The following NME7 variants were observed in gnomAD, a reference collection of about 807,000 sequenced individuals.
NME7 encodes nucleoside diphosphate kinase 7.
Under a neutral mutation model 49.1 loss-of-function variants are expected in NME7, and 41 were observed. The ratio of observed to expected loss-of-function variants is 0.83; its 90% CI spans 0.65 to 1.08. The LOEUF (loss-of-function observed/expected upper bound fraction) is 1.08, where lower values mean the gene tolerates loss of function less well. Among genes scored for constraint, NME7 ranks in the 50% least tolerant of loss-of-function variants. The pLI is 0.00. For missense variants in NME7, 423 were observed against 463.4 expected (o/e 0.91, Z 0.80); for synonymous variants, 139 against 150.6 (o/e 0.92, Z 0.56).
chr1:169,197,128 G>C (rs1253513732), intron 10 of NME7, among the ~76,000 whole-genome samples: 2 of 152,002 alleles, frequency 1.3e-5, no homozygotes, highest in African/African-American at 4.8e-5. Flanking sequence ...AAGTAAATAA[G>C]AGTACCTATA....
chr1:169,319,028 ATTTAATTTTAAT>A (rs140524650), intron 3 of NME7, among the ~76,000 whole-genome samples: 2,242 of 149,730 alleles, frequency 0.015, 60 homozygotes, highest in African/African-American at 0.051. Flanking sequence ...ATTAAATTTA[ATTTAATTTTAAT>A]TTTAATTTTA....
chr1:169,327,511 T>G (rs1482954033), intron 1 of NME7, among the ~76,000 whole-genome samples: 1 of 152,216 alleles, frequency 6.6e-6, no homozygotes, highest in East Asian at 1.9e-4. Context: ...CAATGTGGTA[T>G]TATTATACCC....
intron 1 of NME7, among the ~76,000 whole-genome samples, chr1:169,328,679 A>T (rs1405392245): frequency 6.6e-6 from 1 of 152,234 alleles, no homozygotes; most frequent in Non-Finnish European, 1.5e-5. Context: ...TAAAGGATAT[A>T]TCATATTAAT....
chr1:169,196,438 C>T (rs1052902136), intron 10 of NME7, among the ~76,000 whole-genome samples: 1 of 152,088 alleles, frequency 6.6e-6, no homozygotes, highest in Non-Finnish European at 1.5e-5. Flanking sequence ...TCTATTAGAA[C>T]AAAAACTTTG....
intron 7 of NME7, among the ~76,000 whole-genome samples, chr1:169,279,286 C>G (rs928304110): frequency 1.3e-5 from 2 of 152,224 alleles, no homozygotes; most frequent in African/African-American, 4.8e-5. Flanking sequence ...GCTCTGCCCC[C>G]AGAGGTGGAG....
intron 10 of NME7, among the ~76,000 whole-genome samples, chr1:169,195,252 A>G (rs979396762): frequency 5.9e-5 from 9 of 152,116 alleles, no homozygotes; most frequent in Non-Finnish European, 2.9e-5. Context: ...AGAGACAACA[A>G]TCTTGCTCTG....
At chr1:169,227,800 G>A (rs921763181) in intron 10 of NME7, among the ~76,000 whole-genome samples, 5 of 151,922 alleles carry the variant, frequency 3.3e-5, no homozygotes, top group Non-Finnish European at 7.4e-5. Context: ...TGAACTTTTC[G>A]TGGACACATT....
At chr1:169,188,275 G>T (rs1571276077) in intron 10 of NME7, among the ~76,000 whole-genome samples, 1 of 152,048 alleles carries the variant, frequency 6.6e-6, no homozygotes, top group Admixed American at 6.6e-5. Context: ...TTTTTGTTTT[G>T]CTTTGTTTGA....
intron 10 of NME7, among the ~76,000 whole-genome samples, chr1:169,221,164 G>A (rs900386239): frequency 3.3e-5 from 5 of 152,000 alleles, no homozygotes; most frequent in African/African-American, 7.2e-5. Flanking sequence ...AATAACACCC[G>A]ACTATTTCTC....
intron 10 of NME7, among the ~76,000 whole-genome samples, chr1:169,171,896 T>C (rs1239541301): frequency 6.6e-6 from 1 of 151,968 alleles, no homozygotes; most frequent in African/African-American, 2.4e-5. Flanking sequence ...TCTGGTTGCC[T>C]TCCTTTCAGA....
At chr1:169,193,387 C>T (rs1390931675) in intron 10 of NME7, among the ~76,000 whole-genome samples, 1 of 152,138 alleles carries the variant, frequency 6.6e-6, no homozygotes, top group Non-Finnish European at 1.5e-5. Context: ...AACACCATGG[C>T]TCAGTACTAT....
In NME7 at chr1:169,302,077, T is replaced by A. The variant is rs552761051; in HGVS notation, c.440+1068A>T. 62 of 151,568 alleles carry A rather than the reference T, an allele frequency of 4.1e-4. 1 individual carries two copies. Among genetic ancestry groups the A allele is most frequent in the East Asian group, 2.7e-3 (14 of 5,130 alleles). 9.4% of individuals were successfully genotyped at this position (151,568 alleles called of 1,614,324 possible). On this transcript the variant is annotated intron_variant, in intron 5 of 11. Coordinates refer to ENST00000367811, the MANE Select transcript of NME7 (RefSeq NM_013330.5). Reference sequence around the variant, plus strand: ...ATCTAAAATAGAAGTTGATTTTTTTTTAAAAAAAAAGTCAAAAAACGACAG... The same window carrying A: ...ATCTAAAATAGAAGTTGATTTTTTTATAAAAAAAAAGTCAAAAAACGACAG...
At position 169,269,132 on chromosome 1, in the gene NME7, G is replaced by C. The variant is rs932310237; in HGVS notation, c.754+18171C>G. ...TAGGATTCTTTTGTAGGGACTAACA[G>C]AACTCTTGAGATTCCTTCTAAATCA... On this transcript the variant is annotated intron_variant, in intron 7 of 11. Coordinates refer to ENST00000367811, the MANE Select transcript of NME7 (RefSeq NM_013330.5). 8.3e-5 allele frequency among the ~76,000 whole-genome samples: 11 copies of C among 133,160 alleles called. 2 individuals carry two copies. Among genetic ancestry groups the C allele is most frequent in the African/African-American group, 2.8e-4 (11 of 39,388 alleles). 87.4% of individuals were successfully genotyped at this position (133,160 alleles called of 152,430 possible).
intron 7 of NME7, among the ~76,000 whole-genome samples, chr1:169,283,164 TA>T (rs778985400): frequency 3.3e-5 from 5 of 152,050 alleles, no homozygotes; most frequent in Non-Finnish European, 7.4e-5. Flanking sequence ...GGATAGTCAG[TA>T]CTTCTTGTGC....
intron 7 of NME7, among the ~76,000 whole-genome samples, chr1:169,273,992 T>G (rs1482077424): frequency 1.5e-5 from 2 of 132,442 alleles, no homozygotes; most frequent in Non-Finnish European, 3.5e-5. Context: ...GTAATGGGAT[T>G]GCTGGGTCAA....
intron 10 of NME7, among the ~76,000 whole-genome samples, chr1:169,226,805 C>CA (rs2101813715): frequency 6.6e-6 from 1 of 152,058 alleles, no homozygotes; most frequent in African/African-American, 2.4e-5. Flanking sequence ...TAAAGATAAC[C>CA]ACTGTTAACA....
rs1182272175 is a variant in NME7, at chr1:169,275,464, G to A, written c.754+11839C>T. On this transcript the variant is annotated intron_variant, in intron 7 of 11. Transcript: ENST00000367811. ...ACTGCACTCCAGCCTGGGCGACAGA[G>A]CGAAACTCCGTCTCAAAAAAAAAAA... is the stretch of plus-strand genomic sequence containing the variant. 2.3e-5 allele frequency among the ~76,000 whole-genome samples: 2 copies of A among 87,964 alleles called. 1 individual carries two copies. Among genetic ancestry groups the A allele is most frequent in the East Asian group, 5.5e-4 (2 of 3,658 alleles). 57.7% of individuals were successfully genotyped at this position (87,964 alleles called of 152,430 possible).
intron 10 of NME7, among the ~76,000 whole-genome samples, chr1:169,224,673 T>G (rs760736061): frequency 8.5e-5 from 13 of 152,134 alleles, no homozygotes; most frequent in Non-Finnish European, 1.0e-4. Context: ...ATATTCTATT[T>G]CGAAAAATCT....
chr1:169,236,825 T>C (rs1373017526), intron 8 of NME7, among the ~76,000 whole-genome samples: 1 of 151,986 alleles, frequency 6.6e-6, no homozygotes, highest in Admixed American at 6.6e-5. Flanking sequence ...GCTGTTTCTT[T>C]TCAGAAAATA....
Sources: allele counts gnomAD v4.1 joint callset (sites outside exome capture counted in the v4.1 genomes callset), GRCh38; gene constraint gnomAD v4.1.1; transcripts MANE v1.5; gene names NCBI Gene and HGNC (gene_info 2026-07-23, HGNC 2026-07-21).